Variants in KYAT3 observed in about 807,000 individuals in gnomAD.
KYAT3 encodes kynurenine--oxoglutarate transaminase 3.
Under a neutral mutation model 59.0 loss-of-function variants are expected in KYAT3, and 50 were observed. The observed-to-expected ratio is 0.85, with a 90% confidence interval of 0.68 to 1.07. KYAT3 has a LOEUF of 1.07. KYAT3 is among the 50% of genes least tolerant of loss of function. The pLI, the probability that KYAT3 is intolerant of heterozygous loss-of-function variation, is 0.00. For synonymous variants in KYAT3, 148 were observed against 177.0 expected (o/e 0.84, Z 1.30); for missense variants, 497 against 533.3 (o/e 0.93, Z 0.67).
intron 8 of KYAT3, among the ~76,000 whole-genome samples, chr1:88,959,572 CAAAA>C (rs33949703): frequency 0.035 from 4,072 of 118,016 alleles, 169 homozygotes; most frequent in African/African-American, 0.099. Context: ...GACTCTGTCT[CAAAA>C]AAAAAAAAAA....
intron 2 of KYAT3, among the ~76,000 whole-genome samples, chr1:88,970,313 A>G (rs1295232945): frequency 6.6e-6 from 1 of 152,208 alleles, no homozygotes; most frequent in Non-Finnish European, 1.5e-5. Context: ...ACTCATTATT[A>G]CTGTATGTTT....
chr1:88,921,257 G>C, the KYAT3 span, among the ~76,000 whole-genome samples: 1 of 152,238 alleles, frequency 6.6e-6, no homozygotes, highest in Non-Finnish European at 1.5e-5. Flanking sequence ...GAAGAAGGTA[G>C]AGGGTGAAAA....
chr1:88,984,284 G>T (rs1161642586), intron 2 of KYAT3, among the ~76,000 whole-genome samples: 1 of 126,404 alleles, frequency 7.9e-6, no homozygotes, highest in African/African-American at 3.0e-5. Flanking sequence ...GCGCAATCTT[G>T]GCTCACTGCA....
At chr1:88,988,024 A>C (rs936929446) in intron 2 of KYAT3, among the ~76,000 whole-genome samples, 1 of 152,244 alleles carries the variant, frequency 6.6e-6, no homozygotes, top group Non-Finnish European at 1.5e-5. Context: ...TGTGAAGACA[A>C]AATGAGGTAA....
chr1:88,962,288 A>G (rs1676178431), intron 5 of KYAT3, 143 bp from the exon 6 acceptor site: 11 of 642,570 alleles, frequency 1.7e-5, no homozygotes, highest in Admixed American at 2.7e-5. Context: ...TGGAGCTAAC[A>G]TCTGAGGGGA....
intron 1 of KYAT3, among the ~76,000 whole-genome samples, chr1:88,991,132 T>C (rs149591831): frequency 2.1e-3 from 323 of 152,306 alleles, no homozygotes; most frequent in Non-Finnish European, 3.7e-3. Flanking sequence ...GTTTAGACTG[T>C]TTAAAATGAA....
downstream of KYAT3, chr1:88,935,692 A>G (rs2101006802): frequency 3.8e-6 from 1 of 264,018 alleles, no homozygotes; most frequent in South Asian, 1.7e-4. Context: ...GGGAGGAACT[A>G]CAGGTGGGTA....
intron 13 of KYAT3, among the ~76,000 whole-genome samples, chr1:88,941,205 G>A (rs1329494815): frequency 6.6e-6 from 1 of 152,158 alleles, no homozygotes; most frequent in Admixed American, 6.5e-5. Context: ...TAAAATTTCA[G>A]TCAATTGAAT....
intron 2 of KYAT3, chr1:88,983,304 T>G (rs1175345681): frequency 6.2e-7 from 1 of 1,613,974 alleles, no homozygotes; most frequent in African/African-American, 1.3e-5. Flanking sequence ...CCCATTCCAC[T>G]GCTGCTGCGA....
At chr1:88,992,451 CCACCCCCGCAGG>C (rs913643691) in intron 1 of KYAT3, 122 bp downstream of exon 1, 9 of 152,826 alleles carry the variant, frequency 5.9e-5, no homozygotes, top group Admixed American at 4.6e-4. Context: ...CTCCCTGCAG[CCACCCCCGCAGG>C]CGGCCCCGCA....
At chr1:88,943,896 T>C (rs2101019302) in intron 11 of KYAT3, among the ~76,000 whole-genome samples, 1 of 152,344 alleles carries the variant, frequency 6.6e-6, no homozygotes, top group Middle Eastern at 3.4e-3. Context: ...CCTAGGTCAG[T>C]GTCTAGCACA....
intron 2 of KYAT3, among the ~76,000 whole-genome samples, chr1:88,970,902 C>T (rs1436000022): frequency 1.3e-5 from 2 of 152,018 alleles, no homozygotes; most frequent in African/African-American, 4.8e-5. Context: ...AATAATGGGA[C>T]CAAGAAAAAT....
In KYAT3 at chr1:88,953,078, A is replaced by G. The variant is rs778670325; in HGVS notation, c.939T>C (p.Cys313=). ...TAACACTTACCTGTAAAGGAGTTGCACAAGTATAAATCGTGTTTTGTTGAA... is the reference window on the plus strand; with the variant it reads ...TAACACTTACCTGTAAAGGAGTTGCGCAAGTATAAATCGTGTTTTGTTGAA... ...QTVQQNTIYT[C]ATPLQEALAQ... Residue 313 remains cysteine, a synonymous_variant, in exon 10 of 14, where the codon TGT becomes TGC. Transcript: ENST00000260508. 1.2e-6 allele frequency: 2 copies of G among 1,609,308 alleles called. No homozygotes were observed. Among genetic ancestry groups the G allele is most frequent in the African/African-American group, 2.7e-5 (2 of 74,832 alleles).
At chr1:88,936,460 G>A (rs368391421) in intron 13 of KYAT3, among the ~76,000 whole-genome samples, 4 of 152,162 alleles carry the variant, frequency 2.6e-5, no homozygotes, top group South Asian at 2.1e-4. Context: ...GGGTACAGAA[G>A]AGTTTACACT....
At chr1:88,931,332 G>A (rs566253087), downstream of KYAT3, among the ~76,000 whole-genome samples, 49 of 152,288 alleles carry the variant, frequency 3.2e-4, no homozygotes, top group African/African-American at 1.2e-3. Context: ...AATCGAAGCT[G>A]TAAAACTACA....
chr1:88,951,909 C>G (rs1043618242), intron 10 of KYAT3, among the ~76,000 whole-genome samples: 1 of 151,938 alleles, frequency 6.6e-6, no homozygotes, highest in African/African-American at 2.4e-5. Flanking sequence ...ATTAATTGGA[C>G]AGATTATCCA....
At chr1:88,925,177 A>C in the KYAT3 span, among the ~76,000 whole-genome samples, 2 of 152,174 alleles carry the variant, frequency 1.3e-5, no homozygotes, top group African/African-American at 4.8e-5. Flanking sequence ...TTCCACTTTC[A>C]ATTTTCTTGG....
intron 1 of KYAT3, among the ~76,000 whole-genome samples, chr1:88,988,822 A>T (rs923426657): frequency 2.6e-5 from 4 of 152,244 alleles, no homozygotes; most frequent in Admixed American, 1.3e-4. Flanking sequence ...TGAAAAGACG[A>T]ATGATAGTAG....
intron 10 of KYAT3, among the ~76,000 whole-genome samples, chr1:88,951,042 A>G (rs956628658): frequency 6.6e-6 from 1 of 152,012 alleles, no homozygotes; most frequent in Non-Finnish European, 1.5e-5. Flanking sequence ...TCTCTGTCCA[A>G]AGGGGTTTTT....
Sources: allele counts gnomAD v4.1 joint callset (sites outside exome capture counted in the v4.1 genomes callset), GRCh38; gene constraint gnomAD v4.1.1; transcripts MANE v1.5; gene names NCBI Gene and HGNC (gene_info 2026-07-23, HGNC 2026-07-21).